Variants in PPP1R9A observed in about 807,000 individuals in gnomAD.
PPP1R9A encodes the protein protein phosphatase 1 regulatory subunit 9A.
PPP1R9A carries 59 observed loss-of-function variants against 141.9 expected under a neutral mutation model. That is an observed-to-expected ratio of 0.42 (90% CI 0.34 to 0.52). The LOEUF (loss-of-function observed/expected upper bound fraction) is 0.52, where lower values mean the gene tolerates loss of function less well. Among genes scored for constraint, PPP1R9A ranks in the 20% least tolerant of loss-of-function variants. The pLI is 0.10. For missense variants in PPP1R9A, 1,444 were observed against 1,611.9 expected (o/e 0.90, Z 1.78); for synonymous variants, 500 against 569.7 (o/e 0.88, Z 1.74).
rs150190846 is a variant in PPP1R9A, at chr7:95,111,596, A to G, written c.1528+205A>G. On this transcript the variant is annotated intron_variant, in intron 3 of 19. Coordinates refer to ENST00000433360, the MANE Select transcript of PPP1R9A (RefSeq NM_001166160.2). Reference sequence around the variant, plus strand: ...TTTTACTCCCAACTGAAACCCATCTATCTTAGCTGGCTGCGATGGTGGTTA... The same window carrying G: ...TTTTACTCCCAACTGAAACCCATCTGTCTTAGCTGGCTGCGATGGTGGTTA... Among the ~76,000 whole-genome samples the G allele has an allele frequency of 7.7e-3, 1,177 of 152,282 alleles. 14 individuals carry two copies. Among genetic ancestry groups the G allele is most frequent in the African/African-American group, 0.027 (1,115 of 41,572 alleles).
rs1202036816 is a variant in PPP1R9A at position 94,911,293 on chromosome 7, C to T, written c.1180C>T (p.His394Tyr). The T allele has an allele frequency of 5.6e-6, 9 of 1,614,066 alleles. No homozygotes were observed. Among genetic ancestry groups the T allele is most frequent in the Non-Finnish European group, 7.6e-6 (9 of 1,179,988 alleles). ...AGATTCAAATAATTTTGATGGTTCC[C>T]ATGTGTACATGCACAGTGACTATAA... ...PEDSNNFDGS[H>Y]VYMHSDYNVY... is the part of the protein sequence containing the mutation. The change falls in exon 2 of 20, where the codon CAT (histidine) becomes TAT (tyrosine). Residue 394 changes from histidine to tyrosine, a missense_variant. Around this residue, in one of 5 missense-constraint regions of PPP1R9A, gnomAD observed 490 missense variants for 521.1 expected, o/e 0.94. Coordinates refer to ENST00000433360, the MANE Select transcript of PPP1R9A (RefSeq NM_001166160.2).
intron 5 of PPP1R9A, among the ~76,000 whole-genome samples, chr7:95,176,802 A>C (rs1832974043): frequency 6.6e-6 from 1 of 152,160 alleles, no homozygotes; most frequent in South Asian, 2.1e-4. Context: ...GAATTAACCC[A>C]ATCCAACAAA....
In PPP1R9A at chr7:94,989,989, A is replaced by C. The variant is rs75000911; in HGVS notation, c.1395+78481A>C. ...AATGTGCTTCATGAAGCGTTTGATT[A>C]GTTAAAATATGAAAAATTTTAGTTG... On this transcript the variant is annotated intron_variant, in intron 2 of 19. Coordinates refer to ENST00000433360, the MANE Select transcript of PPP1R9A (RefSeq NM_001166160.2). Among the ~76,000 whole-genome samples the C allele has an allele frequency of 1.6e-3, 240 of 152,206 alleles. 10 individuals are homozygous for C. The East Asian group carries it at 0.043, about 28-fold the overall frequency.
chr7:95,055,199 G>A (rs1364295574), intron 2 of PPP1R9A, among the ~76,000 whole-genome samples: 1 of 151,892 alleles, frequency 6.6e-6, no homozygotes, highest in African/African-American at 2.4e-5. Flanking sequence ...AGAGTGTTAG[G>A]GGGCATTTTA....
At chr7:94,909,523 T>G (rs1791215953) in intron 1 of PPP1R9A, among the ~76,000 whole-genome samples, 1 of 152,202 alleles carries the variant, frequency 6.6e-6, no homozygotes, top group African/African-American at 2.4e-5. Context: ...CTGGACAGTT[T>G]GATGATTTCT....
chr7:95,129,858 G>T (rs1196653015), intron 4 of PPP1R9A, among the ~76,000 whole-genome samples: 1 of 152,168 alleles, frequency 6.6e-6, no homozygotes, highest in Non-Finnish European at 1.5e-5. Flanking sequence ...TGAGAGAGAT[G>T]ATGTAGGATA....
At chr7:95,025,277 G>A (rs764040070) in intron 2 of PPP1R9A, among the ~76,000 whole-genome samples, 4 of 152,066 alleles carry the variant, frequency 2.6e-5, no homozygotes, top group African/African-American at 4.8e-5. Context: ...ATGTTGGCCA[G>A]GCTGTTCTTG....
intron 3 of PPP1R9A, among the ~76,000 whole-genome samples, chr7:95,117,144 T>C (rs1450927660): frequency 2.0e-5 from 3 of 152,292 alleles, no homozygotes; most frequent in East Asian, 1.9e-4. Context: ...TTGGGCTCCA[T>C]AGTATGACAA....
chr7:95,118,964 A>C (rs1254865132), intron 3 of PPP1R9A, among the ~76,000 whole-genome samples: 1 of 149,578 alleles, frequency 6.7e-6, no homozygotes, highest in East Asian at 2.0e-4. Flanking sequence ...CCTGATCAAC[A>C]GAGTGAGACC....
At chr7:95,002,283 G>T (rs1250137737) in intron 2 of PPP1R9A, among the ~76,000 whole-genome samples, 1 of 152,154 alleles carries the variant, frequency 6.6e-6, no homozygotes, top group Non-Finnish European at 1.5e-5. Context: ...ATACACTGAA[G>T]GTCTCATATG....
chr7:94,914,644 A>G (rs779479836), intron 2 of PPP1R9A, among the ~76,000 whole-genome samples: 24 of 152,212 alleles, frequency 1.6e-4, no homozygotes, highest in Non-Finnish European at 3.1e-4. Context: ...TTCGAGATGG[A>G]ATTATGCCTT....
chr7:94,952,241 A>G (rs1213268729), intron 2 of PPP1R9A, among the ~76,000 whole-genome samples: 1 of 152,112 alleles, frequency 6.6e-6, no homozygotes, highest in Non-Finnish European at 1.5e-5. Context: ...GCTGAGAATG[A>G]TGGTTTCCAG....
intron 2 of PPP1R9A, among the ~76,000 whole-genome samples, chr7:95,043,597 G>A (rs1276264568): frequency 1.3e-5 from 2 of 152,140 alleles, no homozygotes; most frequent in Non-Finnish European, 2.9e-5. Context: ...GCATGACCCT[G>A]TAAAACTTCC....
intron 4 of PPP1R9A, among the ~76,000 whole-genome samples, chr7:95,135,599 T>G (rs994666516): frequency 2.0e-5 from 3 of 152,172 alleles, no homozygotes; most frequent in African/African-American, 7.2e-5. Flanking sequence ...CAAACCTGTA[T>G]TTTGCTTTTA....
chr7:94,947,843 G>A (rs530660315), intron 2 of PPP1R9A, among the ~76,000 whole-genome samples: 30 of 152,234 alleles, frequency 2.0e-4, no homozygotes, highest in African/African-American at 7.0e-4. Flanking sequence ...AACAGGTGCA[G>A]GTCAAAACAG....
At chr7:95,165,831 T>C (rs1169062535) in intron 5 of PPP1R9A, among the ~76,000 whole-genome samples, 1 of 152,006 alleles carries the variant, frequency 6.6e-6, no homozygotes, top group Middle Eastern at 3.2e-3. Flanking sequence ...TGGTGAGGGC[T>C]TAAAGAAGAA....
intron 2 of PPP1R9A, among the ~76,000 whole-genome samples, chr7:95,077,433 T>C (rs1815026866): frequency 6.6e-6 from 1 of 152,140 alleles, no homozygotes; most frequent in South Asian, 2.1e-4. Context: ...CTTTTGTTAT[T>C]TTACTGAGTT....
intron 2 of PPP1R9A, chr7:95,098,326 A>G (rs1818306643): frequency 1.3e-5 from 2 of 152,122 alleles, no homozygotes; most frequent in Non-Finnish European, 2.9e-5. Flanking sequence ...GAGGACTTAC[A>G]ATACAGTCGG....
At chr7:94,943,299 C>T (rs1795540592) in intron 2 of PPP1R9A, among the ~76,000 whole-genome samples, 2 of 152,308 alleles carry the variant, frequency 1.3e-5, no homozygotes, top group East Asian at 3.9e-4. Context: ...GCTGAGCTTT[C>T]TAAATCTCTC....
Sources: gnomAD v4.1 joint callset for allele counts (sites outside exome capture counted in the v4.1 genomes callset) on GRCh38, gnomAD v4.1.1 for gene constraint, gnomAD v4.1.1 regional missense constraint, MANE v1.5 for transcripts, NCBI Gene and HGNC (gene_info 2026-07-23, HGNC 2026-07-21) for gene names.